The following KIAA1328 variants were observed in gnomAD, a reference collection of about 807,000 sequenced individuals.
KIAA1328 encodes the protein KIAA1328.
Under a neutral mutation model 68.1 loss-of-function variants are expected in KIAA1328, and 52 were observed. That is an observed-to-expected ratio of 0.76 (90% confidence interval 0.61 to 0.96). The LOEUF (loss-of-function observed/expected upper bound fraction) is 0.96, where lower values mean the gene tolerates loss of function less well. KIAA1328 is among the 40% of genes least tolerant of loss of function. The probability of loss-of-function intolerance (pLI) is 0.00; values close to 1 mark genes in which losing one functional copy is unlikely to be tolerated. For synonymous variants in KIAA1328, 232 were observed against 239.4 expected (o/e 0.97, Z 0.28); for missense variants, 641 against 677.6 (o/e 0.95, Z 0.60).
chr18:37,196,909 C>T (rs1426015094), intron 9 of KIAA1328, among the ~76,000 whole-genome samples: 1 of 151,994 alleles, frequency 6.6e-6, no homozygotes, highest in African/African-American at 2.4e-5. Context: ...AGATTCTTGG[C>T]TTTTCTTTGA....
Position 36,835,214 on chromosome 18 carries a change from T to C in KIAA1328, c.95-20T>C. On this transcript the variant is annotated intron_variant, in intron 2 of 9. Transcript: ENST00000280020. ...ATAATAAGGTATAATTTTGAAATCT[T>C]GTTTAATGGAAATCCTTAGGAATTT... 6.2e-7 allele frequency: 1 copy of C among 1,606,410 alleles called. No individual in the cohort carries two copies.
chr18:36,920,655 G>A (rs2049884008), intron 5 of KIAA1328, among the ~76,000 whole-genome samples: 1 of 152,124 alleles, frequency 6.6e-6, no homozygotes. Context: ...CCTCTCTGAG[G>A]ACCCTATCAA....
chr18:37,121,734 A>G (rs2058277337), intron 7 of KIAA1328, among the ~76,000 whole-genome samples: 1 of 152,190 alleles, frequency 6.6e-6, no homozygotes, highest in Non-Finnish European at 1.5e-5. Context: ...CTCTGAACAT[A>G]TTATTTAGGA....
chr18:36,996,756 G>C (rs1330389211), intron 6 of KIAA1328, among the ~76,000 whole-genome samples: 1 of 152,068 alleles, frequency 6.6e-6, no homozygotes, highest in Admixed American at 6.5e-5. Flanking sequence ...TCTTTCTTTT[G>C]CTGTACTTTT....
intron 5 of KIAA1328, among the ~76,000 whole-genome samples, chr18:36,930,759 A>G (rs1348674454): frequency 6.6e-6 from 1 of 152,010 alleles, no homozygotes; most frequent in Non-Finnish European, 1.5e-5. Flanking sequence ...TACAGGATCT[A>G]CTTTGTAATT....
intron 7 of KIAA1328, among the ~76,000 whole-genome samples, chr18:37,093,161 A>G (rs190741641): frequency 2.6e-5 from 4 of 152,332 alleles, no homozygotes; most frequent in Non-Finnish European, 4.4e-5. Flanking sequence ...TTTTCTTATA[A>G]AAGTGAACCC....
At chr18:36,962,126 C>G (rs1431011946) in intron 6 of KIAA1328, among the ~76,000 whole-genome samples, 2 of 152,130 alleles carry the variant, frequency 1.3e-5, no homozygotes, top group Admixed American at 6.5e-5. Context: ...GAAGATCTAC[C>G]AAGCAAATGG....
chr18:36,935,767 TGC>T (rs200909304), intron 5 of KIAA1328, among the ~76,000 whole-genome samples: 1 of 151,470 alleles, frequency 6.6e-6, no homozygotes. Context: ...TGTGTGTGTG[TGC>T]GCATATAAGG....
intron 9 of KIAA1328, among the ~76,000 whole-genome samples, chr18:37,205,983 A>C (rs1051108846): frequency 6.6e-6 from 1 of 152,230 alleles, no homozygotes; most frequent in Admixed American, 6.5e-5. Context: ...AATCATTGGT[A>C]TCATTCCTTA....
rs564571720 is a variant in KIAA1328 at position 37,001,270 on chromosome 18, A to G, written c.576+41835A>G. ...TATATGCTGAAAAACTGGAAAATCT[A>G]TAGGAAATGGATAAATTCCTGGAAA... On this transcript the variant is annotated intron_variant, in intron 6 of 9. Coordinates refer to ENST00000280020, the MANE Select transcript of KIAA1328 (RefSeq NM_020776.3). 3.3e-5 allele frequency among the ~76,000 whole-genome samples: 5 copies of G among 152,254 alleles called. No homozygotes were observed. The East Asian group carries it at 7.7e-4, about 24-fold the overall frequency.
In KIAA1328 at chr18:37,068,790, AT is replaced by A. The variant is rs375347354; in HGVS notation, c.1232+1254del. 6.4e-4 allele frequency among the ~76,000 whole-genome samples: 97 copies of A among 151,082 alleles called. 1 individual carries two copies. In the South Asian group the frequency reaches 0.02, roughly 31 times the overall value. The stretch of plus-strand genomic sequence containing the variant: ...ACTTGTCTTTTCTTTTTTATCTTTA[AT>A]TTTTTTTTCTTTTGGTAGAGACAGG... On this transcript the variant is annotated intron_variant, in intron 7 of 9. Transcript: ENST00000280020.
intron 5 of KIAA1328, among the ~76,000 whole-genome samples, chr18:36,956,817 A>G (rs2051440368): frequency 6.6e-6 from 1 of 152,186 alleles, no homozygotes; most frequent in Non-Finnish European, 1.5e-5. Context: ...TCCTTTGTGT[A>G]CATAATAGCT....
chr18:36,998,552 G>A (rs2053478857), intron 6 of KIAA1328, among the ~76,000 whole-genome samples: 1 of 152,210 alleles, frequency 6.6e-6, no homozygotes, highest in Non-Finnish European at 1.5e-5. Context: ...GTCCACCGCT[G>A]CCACCACTAT....
At chr18:37,079,330 TG>T (rs2056864642) in intron 7 of KIAA1328, among the ~76,000 whole-genome samples, 1 of 96,770 alleles carries the variant, frequency 1.0e-5, no homozygotes, top group Admixed American at 1.1e-4. Flanking sequence ...GGGCCTGTTG[TG>T]GGGTGGGGGG....
At chr18:36,918,889 T>C (rs4799892) in intron 5 of KIAA1328, among the ~76,000 whole-genome samples, 139,933 of 152,188 alleles carry the variant, frequency 0.92, 65,484 homozygotes, top group East Asian at 1. Flanking sequence ...TTACTGATTT[T>C]TTACTGTTAT....
chr18:37,137,150 G>T (rs2058664464), intron 7 of KIAA1328, among the ~76,000 whole-genome samples: 1 of 151,976 alleles, frequency 6.6e-6, no homozygotes, highest in Non-Finnish European at 1.5e-5. Context: ...TATATACCAG[G>T]ATCACATCTT....
At chr18:36,963,956 A>T (rs949221413) in intron 6 of KIAA1328, among the ~76,000 whole-genome samples, 1 of 152,230 alleles carries the variant, frequency 6.6e-6, no homozygotes, top group Non-Finnish European at 1.5e-5. Context: ...ATGTTAATAC[A>T]TATTAAATCA....
At chr18:37,039,130 A>G (rs189066131) in intron 6 of KIAA1328, among the ~76,000 whole-genome samples, 150 of 152,074 alleles carry the variant, frequency 9.9e-4, no homozygotes, top group African/African-American at 3.6e-3. Context: ...TTTTGTTGAC[A>G]GTTTTTAGGT....
intron 6 of KIAA1328, among the ~76,000 whole-genome samples, chr18:36,976,226 G>A (rs1183262510): frequency 6.6e-6 from 1 of 152,156 alleles, no homozygotes; most frequent in Non-Finnish European, 1.5e-5. Flanking sequence ...TTTGGACAGT[G>A]TAGTTCTGGA....
Sources: gnomAD v4.1 joint callset for allele counts (sites outside exome capture counted in the v4.1 genomes callset) on GRCh38, gnomAD v4.1.1 for gene constraint, MANE v1.5 for transcripts, NCBI Gene and HGNC (gene_info 2026-07-23, HGNC 2026-07-21) for gene names.